NEGR1: variants seen among roughly 807,000 people sequenced by gnomAD.
NEGR1 encodes IgLON family member 4.
Under a neutral mutation model 40.9 loss-of-function variants are expected in NEGR1, and 10 were observed. The observed-to-expected ratio is 0.24, with a 90% CI of 0.15 to 0.42. The LOEUF is 0.42. Among genes scored for constraint, NEGR1 ranks in the 10% least tolerant of loss-of-function variants. The pLI is 1.00. For synonymous variants in NEGR1, 185 were observed against 166.8 expected, an observed-to-expected ratio of 1.11 and a Z score of -0.84; for missense variants, 352 against 438.9, an observed-to-expected ratio of 0.80 and a Z score of 1.77.
At chr1:71,542,453 T>G (rs1399550676) in intron 6 of NEGR1, among the ~76,000 whole-genome samples, 1 of 151,700 alleles carries the variant, frequency 6.6e-6, no homozygotes, top group Non-Finnish European at 1.5e-5. Context: ...AGAGAGGTAC[T>G]AAGGTAAATG....
chr1:71,567,769 A>G (rs1648666440), intron 6 of NEGR1, among the ~76,000 whole-genome samples: 1 of 151,830 alleles, frequency 6.6e-6, no homozygotes. Context: ...ACGTGAGGGT[A>G]TTAGGAACTG....
At chr1:72,177,607 T>C (rs1307505519) in intron 1 of NEGR1, among the ~76,000 whole-genome samples, 3 of 152,074 alleles carry the variant, frequency 2.0e-5, no homozygotes, top group Non-Finnish European at 4.4e-5. Flanking sequence ...CTGCCTATTT[T>C]TTAATTTTCT....
intron 1 of NEGR1, among the ~76,000 whole-genome samples, chr1:72,095,151 AT>A (rs1176463018): frequency 6.6e-6 from 1 of 152,176 alleles, no homozygotes; most frequent in African/African-American, 2.4e-5. Context: ...GTCTATATAA[AT>A]ATCCATTAAA....
chr1:71,572,669 T>C (rs1467882171), intron 6 of NEGR1, among the ~76,000 whole-genome samples: 1 of 152,180 alleles, frequency 6.6e-6, no homozygotes, highest in Non-Finnish European at 1.5e-5. Flanking sequence ...TTCATCTCTA[T>C]GTGTTCAAGT....
At chr1:71,813,570 G>A (rs370323609) in intron 2 of NEGR1, among the ~76,000 whole-genome samples, 2 of 152,082 alleles carry the variant, frequency 1.3e-5, no homozygotes, top group Non-Finnish European at 2.9e-5. Context: ...CATGAGAATG[G>A]AATGTTCTTC....
chr1:72,139,689 C>T (rs898511274), intron 1 of NEGR1, among the ~76,000 whole-genome samples: 3 of 151,916 alleles, frequency 2.0e-5, no homozygotes, highest in Middle Eastern at 3.2e-3. Flanking sequence ...AATAAAAAGT[C>T]GATCAGTGTT....
chr1:71,594,980 G>A (rs1649647808), intron 5 of NEGR1, among the ~76,000 whole-genome samples: 2 of 152,226 alleles, frequency 1.3e-5, no homozygotes, highest in East Asian at 3.8e-4. Context: ...CAACTGGCTA[G>A]ACCCAGGGGA....
rs148364864 is a variant in NEGR1 at position 72,159,391 on chromosome 1, C to T, written c.176+122928G>A. 2.6e-4 allele frequency among the ~76,000 whole-genome samples: 39 copies of T among 152,186 alleles called. No homozygotes were observed. In the East Asian group the frequency reaches 7.2e-3, roughly 28 times the overall value. On this transcript the variant is annotated intron_variant, in intron 1 of 6. Coordinates refer to ENST00000357731, the MANE Select transcript of NEGR1 (RefSeq NM_173808.3). ...TCACTCAGAGGTAAAACAGGCACAGCAGAACATAGGTACAACATTGGATTC... is the reference window on the plus strand; with the variant it reads ...TCACTCAGAGGTAAAACAGGCACAGTAGAACATAGGTACAACATTGGATTC...
At chr1:71,894,063 G>T (rs1486631976) in intron 2 of NEGR1, among the ~76,000 whole-genome samples, 2 of 107,386 alleles carry the variant, frequency 1.9e-5, no homozygotes, top group Non-Finnish European at 3.8e-5. Context: ...CACACTCTGG[G>T]GACTGTGGTG....
At chr1:71,773,958 A>G (rs1226345083) in intron 3 of NEGR1, among the ~76,000 whole-genome samples, 1 of 152,208 alleles carries the variant, frequency 6.6e-6, no homozygotes, top group Non-Finnish European at 1.5e-5. Flanking sequence ...TTAAATTCAT[A>G]ATATTAATCT....
intron 3 of NEGR1, among the ~76,000 whole-genome samples, chr1:71,768,913 AC>A (rs961809716): frequency 6.6e-6 from 1 of 151,472 alleles, no homozygotes; most frequent in East Asian, 2.0e-4. Flanking sequence ...ACCTCCCCCG[AC>A]CCCCTTTCTC....
chr1:71,862,282 T>A (rs1305886405), intron 2 of NEGR1, among the ~76,000 whole-genome samples: 1 of 151,980 alleles, frequency 6.6e-6, no homozygotes, highest in Non-Finnish European at 1.5e-5. Context: ...TGAACCTAGG[T>A]TTTCTGACCC....
intron 1 of NEGR1, among the ~76,000 whole-genome samples, chr1:72,213,627 A>G (rs1466024761): frequency 6.6e-6 from 1 of 151,996 alleles, no homozygotes; most frequent in African/African-American, 2.4e-5. Context: ...AATGTGGTCA[A>G]CCCAGAAGTC....
At chr1:71,538,518 C>A (rs1319054324) in intron 6 of NEGR1, among the ~76,000 whole-genome samples, 1 of 151,634 alleles carries the variant, frequency 6.6e-6, no homozygotes, top group East Asian at 2.0e-4. Flanking sequence ...GGAGTGGAAG[C>A]AATGTCATTT....
intron 1 of NEGR1, among the ~76,000 whole-genome samples, chr1:72,033,464 A>T (rs1190660897): frequency 6.6e-6 from 1 of 152,200 alleles, no homozygotes; most frequent in African/African-American, 2.4e-5. Flanking sequence ...TTAGAATTTT[A>T]TTCCAATACT....
intron 5 of NEGR1, among the ~76,000 whole-genome samples, chr1:71,597,128 A>T (rs201398296): frequency 6.6e-6 from 1 of 152,172 alleles, no homozygotes; most frequent in African/African-American, 2.4e-5. Context: ...TGAACTAAAG[A>T]TACAGCTCAA....
At chr1:72,129,897 T>C (rs1650177726) in intron 1 of NEGR1, among the ~76,000 whole-genome samples, 1 of 152,200 alleles carries the variant, frequency 6.6e-6, no homozygotes, top group Non-Finnish European at 1.5e-5. Flanking sequence ...GGACTGTTAA[T>C]AACCTGTACT....
chr1:71,732,289 C>G (rs931130214), intron 3 of NEGR1, among the ~76,000 whole-genome samples: 4 of 152,056 alleles, frequency 2.6e-5, no homozygotes, highest in African/African-American at 9.7e-5. Flanking sequence ...GCACTGCATT[C>G]CAGCTTGGGT....
At chr1:72,057,020 T>C (rs1431834656) in intron 1 of NEGR1, among the ~76,000 whole-genome samples, 1 of 151,532 alleles carries the variant, frequency 6.6e-6, no homozygotes, top group Admixed American at 6.6e-5. Flanking sequence ...CCAAAGTACT[T>C]GATGAATTTC....
Sources: gnomAD v4.1 joint callset for allele counts (sites outside exome capture counted in the v4.1 genomes callset) on GRCh38, gnomAD v4.1.1 for gene constraint, MANE v1.5 for transcripts, NCBI Gene and HGNC (gene_info 2026-07-23, HGNC 2026-07-21) for gene names.